The following ZFPM2 variants were observed in gnomAD, a reference collection of about 807,000 sequenced individuals.
The protein encoded by ZFPM2 is zinc finger protein, FOG family member 2.
Under a neutral mutation model 98.6 loss-of-function variants are expected in ZFPM2, and 20 were observed. The observed-to-expected ratio is 0.20, with a 90% CI of 0.14 to 0.29. ZFPM2 has a LOEUF of 0.29. ZFPM2 is among the 10% of genes least tolerant of loss of function. ZFPM2 has a pLI of 1.00. For synonymous variants in ZFPM2, 518 were observed against 502.7 expected (o/e 1.03, Z -0.41); for missense variants, 1,310 against 1,388.6 (o/e 0.94, Z 0.90).
At chr8:105,587,912 G>C (rs1359782191) in intron 4 of ZFPM2, among the ~76,000 whole-genome samples, 1 of 151,950 alleles carries the variant, frequency 6.6e-6, no homozygotes, top group African/African-American at 2.4e-5. Context: ...GGTGTCCCTT[G>C]GGGAGCAAAA....
chr8:105,681,151 C>G (rs186851567), intron 5 of ZFPM2, among the ~76,000 whole-genome samples: 129 of 152,234 alleles, frequency 8.5e-4, no homozygotes, highest in Non-Finnish European at 1.3e-3. Context: ...TCAGTGACTT[C>G]TCATTATTAT....
intron 4 of ZFPM2, among the ~76,000 whole-genome samples, chr8:105,599,438 A>G (rs1467011512): frequency 6.7e-6 from 1 of 149,776 alleles, no homozygotes; most frequent in Non-Finnish European, 1.5e-5. Flanking sequence ...AAGGGTTGTG[A>G]GAGAAGTTCA....
chr8:105,662,679 T>A (rs1429898239), intron 5 of ZFPM2: 1 of 147,010 alleles, frequency 6.8e-6, no homozygotes, highest in Non-Finnish European at 1.5e-5. Context: ...AATTTTTTTT[T>A]AATATTTCTT....
chr8:105,525,955 A>G (rs79001083), intron 3 of ZFPM2, among the ~76,000 whole-genome samples: 2 of 152,090 alleles, frequency 1.3e-5, no homozygotes, highest in East Asian at 1.9e-4. Flanking sequence ...TGCCTGGCCT[A>G]AGTGCTCAAA....
rs559558389 is a variant in ZFPM2, at chr8:105,373,963, T to C, written c.41-45181T>C. 2.6e-5 allele frequency among the ~76,000 whole-genome samples: 4 copies of C among 152,310 alleles called. No individual in the cohort carries two copies. In the South Asian group the frequency reaches 6.2e-4, roughly 24 times the overall value. ...GGGCTGGGAGGGCAGCAAGTCATGA[T>C]AAAAGAAGGAACGAACTAGATATTG... On this transcript the variant is annotated intron_variant, in intron 1 of 7. Transcript: ENST00000407775.
At chr8:105,379,932 T>C (rs542031653) in intron 1 of ZFPM2, among the ~76,000 whole-genome samples, 780 of 152,168 alleles carry the variant, frequency 5.1e-3, no homozygotes, top group Non-Finnish European at 8.4e-3. Flanking sequence ...GAAAATACAC[T>C]GAGGATGGGG....
At position 105,569,509 on chromosome 8, in the gene ZFPM2, G is replaced by A. The variant is rs781334608; in HGVS notation, c.420+8028G>A. On this transcript the variant is annotated intron_variant, in intron 4 of 7. Coordinates refer to ENST00000407775, the MANE Select transcript of ZFPM2 (RefSeq NM_012082.4). ...AGACTTGCACTTTTATTTTAGTCTC[G>A]TTTGAGAGGAAACTTCAGTAGGACA... Among the ~76,000 whole-genome samples the A allele has an allele frequency of 4.6e-5, 7 of 152,260 alleles. No individual in the cohort carries two copies. The South Asian group carries it at 6.2e-4, about 14-fold the overall frequency.
At chr8:105,749,930 T>G (rs752109632) in intron 5 of ZFPM2, among the ~76,000 whole-genome samples, 116 of 152,122 alleles carry the variant, frequency 7.6e-4, no homozygotes, top group Middle Eastern at 3.4e-3. Context: ...AATGAATATT[T>G]TAGGGAGAAA....
At chr8:105,415,227 A>G (rs574101844) in intron 1 of ZFPM2, among the ~76,000 whole-genome samples, 18 of 152,266 alleles carry the variant, frequency 1.2e-4, no homozygotes, top group East Asian at 3.9e-4. Context: ...CTGAGAGACA[A>G]TGAACAGTGT....
intron 3 of ZFPM2, among the ~76,000 whole-genome samples, chr8:105,522,664 G>A (rs1326729979): frequency 6.6e-6 from 1 of 152,008 alleles, no homozygotes; most frequent in Non-Finnish European, 1.5e-5. Flanking sequence ...CAGCTTACTC[G>A]GGAGGCTGAG....
chr8:105,793,820 C>A (rs986000533), intron 6 of ZFPM2, among the ~76,000 whole-genome samples: 9 of 137,936 alleles, frequency 6.5e-5, no homozygotes, highest in African/African-American at 3.1e-4. Context: ...TCCCTTCTCG[C>A]TTCATTTCAT....
intron 5 of ZFPM2, among the ~76,000 whole-genome samples, chr8:105,635,092 G>C (rs566199865): frequency 6.6e-6 from 1 of 152,234 alleles, no homozygotes; most frequent in African/African-American, 2.4e-5. Context: ...CTTGGTCCTA[G>C]CTCTGTACTC....
At chr8:105,591,916 C>T (rs558022694) in intron 4 of ZFPM2, among the ~76,000 whole-genome samples, 71 of 152,196 alleles carry the variant, frequency 4.7e-4, no homozygotes, top group African/African-American at 1.4e-3. Context: ...GAAAAATTAA[C>T]ACCAGATAAA....
rs767896734 is a variant in ZFPM2, at chr8:105,419,237, G to A, written c.134G>A (p.Ser45Asn). 2 of 1,613,566 alleles carry A rather than the reference G, an allele frequency of 1.2e-6. No individual in the cohort carries two copies. The highest frequency in any genetic ancestry group is 3.3e-5 in the Admixed American group (2 of 59,968). ...ISKGDFPLEE[S>N]FSTEFGPENL... is the part of the protein sequence containing the mutation. The stretch of plus-strand genomic sequence containing the variant: ...AAAGGAGACTTTCCATTGGAGGAAA[G>A]CTTTTCCACAGAATTTGGGCCTGAA... The change falls in exon 2 of 8, where the codon AGC becomes AAC. Residue 45 changes from serine to asparagine, a missense_variant. Ser to Asn is a conservative substitution (Grantham distance 46). Transcript: ENST00000407775.
intron 1 of ZFPM2, among the ~76,000 whole-genome samples, chr8:105,382,209 G>A (rs1810902726): frequency 6.6e-6 from 1 of 151,842 alleles, no homozygotes; most frequent in Non-Finnish European, 1.5e-5. Context: ...ATTTCTATCT[G>A]GTCAATAGTA....
At chr8:105,475,769 A>G (rs1813001760) in intron 3 of ZFPM2, among the ~76,000 whole-genome samples, 1 of 152,228 alleles carries the variant, frequency 6.6e-6, no homozygotes, top group Non-Finnish European at 1.5e-5. Flanking sequence ...TTACCCATTA[A>G]CTTATTGATA....
chr8:105,569,287 G>T (rs1455796225), intron 4 of ZFPM2, among the ~76,000 whole-genome samples: 2 of 152,124 alleles, frequency 1.3e-5, no homozygotes, highest in African/African-American at 2.4e-5. Flanking sequence ...AACATTGAAT[G>T]AATCAGCACA....
intron 2 of ZFPM2, among the ~76,000 whole-genome samples, chr8:105,429,559 C>T (rs535008133): frequency 6.6e-6 from 1 of 151,920 alleles, no homozygotes; most frequent in East Asian, 1.9e-4. Context: ...GTGGAAACCA[C>T]TCACCAGCAC....
At chr8:105,631,253 A>G (rs969498664) in intron 4 of ZFPM2, among the ~76,000 whole-genome samples, 1 of 152,194 alleles carries the variant, frequency 6.6e-6, no homozygotes, top group African/African-American at 2.4e-5. Context: ...TACCTAATAC[A>G]TCAAGGTCTT....
Sources: allele counts gnomAD v4.1 joint callset (sites outside exome capture counted in the v4.1 genomes callset), GRCh38; gene constraint gnomAD v4.1.1; transcripts MANE v1.5; gene names NCBI Gene and HGNC (gene_info 2026-07-23, HGNC 2026-07-21).